ASXL2: variants seen among roughly 807,000 people sequenced by gnomAD.
ASXL2 encodes putative Polycomb group protein ASXL2.
ASXL2 carries 23 observed loss-of-function variants against 122.0 expected under a neutral mutation model. The observed-to-expected ratio is 0.19, with a 90% CI of 0.14 to 0.27. The LOEUF (loss-of-function observed/expected upper bound fraction) is 0.27. Among genes scored for constraint, ASXL2 ranks in the 10% least tolerant of loss-of-function variants. The pLI is 1.00. For missense variants in ASXL2, 1,518 were observed against 1,713.8 expected, an observed-to-expected ratio of 0.89 and a Z score of 2.02; for synonymous variants, 650 against 637.0, an observed-to-expected ratio of 1.02 and a Z score of -0.31.
intron 3 of ASXL2, among the ~76,000 whole-genome samples, chr2:25,817,903 GCCAAA>G (rs2089257385): frequency 6.6e-6 from 1 of 152,138 alleles, no homozygotes. Flanking sequence ...CAAGAGACAA[GCCAAA>G]GATGAAGCTG....
intron 4 of ASXL2, among the ~76,000 whole-genome samples, chr2:25,805,003 CTG>C: frequency 6.6e-6 from 1 of 152,150 alleles, no homozygotes; most frequent in East Asian, 1.9e-4. Flanking sequence ...CGAACCAAGA[CTG>C]TGCCACTGCA....
In ASXL2 at chr2:25,875,525, T is replaced by C. The variant is rs75553449; in HGVS notation, c.57+2641A>G. ...TAATGATAATAATTATGAATCTTAT[T>C]ATTTTGCTTATAATAACCTTACATC... is the stretch of plus-strand genomic sequence containing the variant. On this transcript the variant is annotated intron_variant, in intron 1 of 12. Transcript: ENST00000435504. Among the ~76,000 whole-genome samples the C allele has an allele frequency of 6.0e-3, 913 of 151,996 alleles. 9 individuals are homozygous for C. Among genetic ancestry groups the C allele is most frequent in the African/African-American group, 0.021 (859 of 41,478 alleles).
chr2:25,878,135 C>T (rs1406463811), intron 1 of ASXL2, 31 bp downstream of exon 1: 1 of 1,613,194 alleles, frequency 6.2e-7, no homozygotes, highest in South Asian at 1.1e-5. Context: ...CAAAATCCTC[C>T]CGGCCTTCCC....
intron 5 of ASXL2, among the ~76,000 whole-genome samples, chr2:25,797,334 A>G (rs923827936): frequency 1.3e-5 from 2 of 151,952 alleles, no homozygotes; most frequent in Non-Finnish European, 2.9e-5. Context: ...AATCCCAGCT[A>G]CTCGGGAGGC....
intron 1 of ASXL2, among the ~76,000 whole-genome samples, chr2:25,846,724 G>A (rs923716784): frequency 3.3e-5 from 5 of 152,198 alleles, no homozygotes; most frequent in African/African-American, 1.2e-4. Context: ...GCCGAGATGT[G>A]AGAATAGCTT....
chr2:25,827,582 T>G (rs181985696), intron 3 of ASXL2, among the ~76,000 whole-genome samples: 50 of 152,358 alleles, frequency 3.3e-4, no homozygotes, highest in Non-Finnish European at 6.3e-4. Context: ...AGAAATAATA[T>G]AAATGTAGCT....
In ASXL2 at chr2:25,742,372, T is replaced by G. The variant is rs1397681452; in HGVS notation, c.3965A>C (p.Gln1322Pro). Reference sequence around the variant, plus strand: ...CATGCCTCTATAGCTTGGCCCTATCTGGGTGGGGCTTCCATACAACTTCGG... The same window carrying G: ...CATGCCTCTATAGCTTGGCCCTATCGGGGTGGGGCTTCCATACAACTTCGG... ...QTPKLYGSPT[Q>P]IGPSYRGMIN... The change falls in exon 13 of 13, where the codon CAG becomes CCG. Residue 1322 changes from glutamine (Q) to proline (P), a missense_variant. This residue lies in a region of ASXL2 where 831 missense variants were observed against 833.1 expected (regional missense o/e 1.00). Coordinates refer to ENST00000435504, the MANE Select transcript of ASXL2 (RefSeq NM_018263.6). The G allele has an allele frequency of 7.6e-7, 1 of 1,318,380 alleles. No homozygotes were observed. Among genetic ancestry groups the G allele is most frequent in the East Asian group, 5.0e-5 (1 of 19,908 alleles). 81.7% of individuals were successfully genotyped at this position (1,318,380 alleles called of 1,614,324 possible). A position where few individuals can be genotyped will look rare whatever the true frequency, so the allele number is the denominator to read the frequency against.
intron 3 of ASXL2, chr2:25,822,677 C>G: frequency 1.5e-6 from 1 of 685,640 alleles, no homozygotes; most frequent in Non-Finnish European, 2.6e-6. Flanking sequence ...AAAAAACGGA[C>G]AGATCAATTG....
At chr2:25,869,841 A>G (rs1271212308) in intron 1 of ASXL2, among the ~76,000 whole-genome samples, 2 of 151,890 alleles carry the variant, frequency 1.3e-5, no homozygotes, top group Non-Finnish European at 2.9e-5. Flanking sequence ...AAAAATTATA[A>G]ATTACCTGTA....
chr2:25,750,572 G>A (rs2088027934), intron 11 of ASXL2, among the ~76,000 whole-genome samples, 159 bp from the exon 12 acceptor site: 1 of 152,162 alleles, frequency 6.6e-6, no homozygotes, highest in Non-Finnish European at 1.5e-5. Context: ...GAAAGTTCTG[G>A]AGTCAGAGTG....
rs114145835 is a variant in ASXL2 at position 25,744,474 on chromosome 2, G to T, written c.1863C>A (p.Ile621=). Residue 621 remains isoleucine, a splice_region_variant and synonymous_variant, in exon 13 of 13, where the codon ATC becomes ATA. Transcript: ENST00000435504. The surrounding 1 kb of genome is among the most constrained non-coding windows in gnomAD (Gnocchi z 4.7). ...IQVRKVPPLK[I]PVSRISPMPF... ...GCATGGGGGAGATTCTGGAGACCGG[G>T]ATCTGAAAGAAGTAGAGGGGAAAAA... is the stretch of plus-strand genomic sequence containing the variant. 176 of 1,589,100 alleles carry T rather than the reference G, an allele frequency of 1.1e-4. No homozygotes were observed. In the African/African-American group the frequency reaches 2.1e-3, roughly 19 times the overall value.
rs34006530 is a variant in ASXL2 at position 25,811,055 on chromosome 2, T to TACACACACACACAC, written c.144-4732_144-4719dup. On this transcript the variant is annotated intron_variant, in intron 3 of 12. Transcript: ENST00000435504. ...CCTGTCTCTACAAAAAATACAAAAATACACACACACACACACACACACACA... is the reference window on the plus strand; with the variant it reads ...CCTGTCTCTACAAAAAATACAAAAATACACACACACACACACACACACACACACACACACACACA... 9.3e-3 allele frequency among the ~76,000 whole-genome samples: 1,081 copies of TACACACACACACAC among 116,404 alleles called. 15 individuals carry two copies. The highest frequency in any genetic ancestry group is 0.014 in the African/African-American group (420 of 30,138). 76.4% of individuals were successfully genotyped at this position (116,404 alleles called of 152,430 possible). A position where few individuals can be genotyped will look rare whatever the true frequency, so the allele number is the denominator to read the frequency against.
chr2:25,755,648 G>A (rs981004925), intron 10 of ASXL2, among the ~76,000 whole-genome samples: 2 of 152,162 alleles, frequency 1.3e-5, no homozygotes, highest in African/African-American at 2.4e-5. Flanking sequence ...ACCAAACTGG[G>A]ATGCAGAGCA....
Position 25,742,134 on chromosome 2 carries a change from G to A in ASXL2, c.4203C>T (p.Tyr1401=), listed in dbSNP as rs764200522. 1.1e-5 allele frequency: 17 copies of A among 1,613,932 alleles called. No homozygotes were observed. Among genetic ancestry groups the A allele is most frequent in the Middle Eastern group, 1.6e-4 (1 of 6,084 alleles). ...ACATGATCATGGCTTTCAAGCGGCA[G>A]TAACATTTCGAAGGCGTGCCCTCTA... ...NSIEGTPSKC[Y]CRLKAMIMCK... is the part of the protein sequence containing the mutation. Residue 1401 remains tyrosine (Y), a synonymous_variant, in exon 13 of 13, where the codon TAC becomes TAT. Transcript: ENST00000435504.
At position 25,740,978 on chromosome 2, in the gene ASXL2, A is replaced by G; in HGVS notation, c.*1051T>C. ...CAACAGCAGCTGACTATCTAGCACTAGGTTAACAGGTTGGGAGAGAAGAGG... is the reference window on the plus strand; with the variant it reads ...CAACAGCAGCTGACTATCTAGCACTGGGTTAACAGGTTGGGAGAGAAGAGG... On this transcript the variant is annotated 3_prime_UTR_variant, in exon 13 of 13. Coordinates refer to ENST00000435504, the MANE Select transcript of ASXL2 (RefSeq NM_018263.6). 1 of 189,904 alleles carries G rather than the reference A, an allele frequency of 5.3e-6. No homozygotes were observed. The highest frequency in any genetic ancestry group is 1.1e-5 in the Non-Finnish European group (1 of 90,534). 11.8% of individuals were successfully genotyped at this position (189,904 alleles called of 1,614,324 possible).
chr2:25,861,226 G>A (rs1006563615), intron 1 of ASXL2, among the ~76,000 whole-genome samples: 1 of 152,066 alleles, frequency 6.6e-6, no homozygotes, highest in Non-Finnish European at 1.5e-5. Flanking sequence ...CCTCTAGCCA[G>A]GCTAAGTAAA....
chr2:25,817,623 T>C (rs762793972), intron 3 of ASXL2, among the ~76,000 whole-genome samples: 29 of 152,144 alleles, frequency 1.9e-4, no homozygotes, highest in Non-Finnish European at 3.8e-4. Flanking sequence ...AAATAAACTA[T>C]TAAAACAAGG....
chr2:25,743,251 A>T lies in ASXL2; in HGVS notation c.3086T>A (p.Leu1029His). The T allele has an allele frequency of 2.5e-6, 4 of 1,613,560 alleles. No homozygotes were observed. The highest frequency in any genetic ancestry group is 2.5e-6 in the Non-Finnish European group (3 of 1,179,692). The change falls in exon 13 of 13, where the codon CTC (leucine) becomes CAC (histidine). Residue 1029 changes from leucine (L) to histidine (H), a missense_variant. By Grantham distance (99) the Leu-to-His change is moderately conservative (BLOSUM62 -3). This residue lies in a region of ASXL2 where 831 missense variants were observed against 833.1 expected (regional missense o/e 1.00). Transcript: ENST00000435504. ...QLGKTLQSKQ[L>H]PQVPRPLQLF... ...CTGAAGGGGCCTTGGAACCTGGGGGAGCTGCTTACTTTGCAAGGTTTTGCC... is the reference window on the plus strand; with the variant it reads ...CTGAAGGGGCCTTGGAACCTGGGGGTGCTGCTTACTTTGCAAGGTTTTGCC...
chr2:25,875,722 A>C (rs1354025696), intron 1 of ASXL2, among the ~76,000 whole-genome samples: 1 of 152,146 alleles, frequency 6.6e-6, no homozygotes, highest in Non-Finnish European at 1.5e-5. Flanking sequence ...TATCAAAAAC[A>C]CATGAAATAA....
Sources: allele counts gnomAD v4.1 joint callset (sites outside exome capture counted in the v4.1 genomes callset), GRCh38; gene constraint gnomAD v4.1.1; regional missense constraint gnomAD v4.1.1; non-coding constraint Gnocchi (gnomAD v3.1); transcripts MANE v1.5; gene names NCBI Gene and HGNC (gene_info 2026-07-23, HGNC 2026-07-21).